Variants in REEP1 observed in about 807,000 individuals in gnomAD.
REEP1 encodes receptor expression-enhancing protein 1.
A neutral mutation model predicts 40.3 loss-of-function variants in REEP1; 22 were observed. The observed-to-expected ratio is 0.55, with a 90% confidence interval of 0.39 to 0.78. The LOEUF (loss-of-function observed/expected upper bound fraction) is 0.78. Among genes scored for constraint, REEP1 ranks in the 30% least tolerant of loss-of-function variants. REEP1 has a pLI of 0.00. For missense variants in REEP1, 280 were observed against 361.1 expected (o/e 0.78, Z 1.82); for synonymous variants, 116 against 139.2 (o/e 0.83, Z 1.17).
intron 3 of REEP1, among the ~76,000 whole-genome samples, chr2:86,257,086 T>TATTA (rs1397846751): frequency 2.0e-5 from 3 of 152,220 alleles, no homozygotes; most frequent in Non-Finnish European, 4.4e-5. Context: ...GATTGTTTAA[T>TATTA]GTTTCACAGC....
chr2:86,253,347 A>C (rs1281624515), intron 4 of REEP1, among the ~76,000 whole-genome samples: 1 of 151,838 alleles, frequency 6.6e-6, no homozygotes, highest in Non-Finnish European at 1.5e-5. Context: ...TAAGACAATG[A>C]CATTTGGCCT....
chr2:86,315,083 C>T (rs1679932064), intron 1 of REEP1, among the ~76,000 whole-genome samples: 1 of 152,064 alleles, frequency 6.6e-6, no homozygotes, highest in Non-Finnish European at 1.5e-5. Flanking sequence ...CCCTGCAGGG[C>T]CCTTGAGACC....
intron 2 of REEP1, among the ~76,000 whole-genome samples, chr2:86,267,319 C>T (rs1677203477): frequency 6.6e-6 from 1 of 152,096 alleles, no homozygotes. Flanking sequence ...AGGTAGTTTC[C>T]TTTGCTGTCT....
chr2:86,302,103 C>T (rs879578018), intron 1 of REEP1, among the ~76,000 whole-genome samples: 2 of 152,218 alleles, frequency 1.3e-5, no homozygotes, highest in African/African-American at 4.8e-5. Flanking sequence ...GCAGCTTGTG[C>T]CCAAAGGTCA....
At chr2:86,307,988 A>G (rs1679580963) in intron 1 of REEP1, among the ~76,000 whole-genome samples, 1 of 152,234 alleles carries the variant, frequency 6.6e-6, no homozygotes, top group Non-Finnish European at 1.5e-5. Flanking sequence ...TAATTGGCTC[A>G]TTTAAAAAAC....
intron 1 of REEP1, among the ~76,000 whole-genome samples, chr2:86,299,315 T>G (rs566103683): frequency 1.2e-4 from 19 of 152,314 alleles, no homozygotes; most frequent in African/African-American, 4.3e-4. Flanking sequence ...GACAATTCTT[T>G]GTTGTGAGGG....
chr2:86,265,421 C>T (rs569259738), intron 2 of REEP1, among the ~76,000 whole-genome samples: 27 of 152,106 alleles, frequency 1.8e-4, no homozygotes, highest in Non-Finnish European at 3.2e-4. Flanking sequence ...CCAAACAAAA[C>T]GTATCTAGCT....
At chr2:86,224,346 A>C (rs1674580871) in intron 7 of REEP1, among the ~76,000 whole-genome samples, 1 of 152,212 alleles carries the variant, frequency 6.6e-6, no homozygotes, top group Non-Finnish European at 1.5e-5. Flanking sequence ...CTTAAGAGTC[A>C]GCCTATAGCC....
At chr2:86,236,776 G>A (rs1218085021) in intron 5 of REEP1, among the ~76,000 whole-genome samples, 4 of 147,672 alleles carry the variant, frequency 2.7e-5, no homozygotes, top group South Asian at 2.1e-4. Context: ...TCACTCTGTC[G>A]CCCAGGCTGG....
At chr2:86,253,936 C>A (rs924735424) in intron 4 of REEP1, among the ~76,000 whole-genome samples, 6 of 152,168 alleles carry the variant, frequency 3.9e-5, no homozygotes, top group Admixed American at 6.5e-5. Context: ...ACTTAATAAT[C>A]CTGCTCTTGG....
intron 2 of REEP1, among the ~76,000 whole-genome samples, chr2:86,271,756 A>G (rs6712161): frequency 0.019 from 2,960 of 152,328 alleles, 89 homozygotes; most frequent in African/African-American, 0.067. Flanking sequence ...GGTTTTGTCC[A>G]GTGGTAAAGT....
chr2:86,257,729 C>T (rs1254591179), intron 3 of REEP1, among the ~76,000 whole-genome samples: 1 of 151,432 alleles, frequency 6.6e-6, no homozygotes, highest in Non-Finnish European at 1.5e-5. Context: ...CCTCCACCTT[C>T]TGGGTTCAAG....
At chr2:86,245,123 G>T (rs781122531) in intron 5 of REEP1, among the ~76,000 whole-genome samples, 8 of 152,062 alleles carry the variant, frequency 5.3e-5, no homozygotes, top group Non-Finnish European at 1.2e-4. Context: ...CTCCAGCCTG[G>T]GCAAGAGTGA....
intron 1 of REEP1, among the ~76,000 whole-genome samples, chr2:86,321,103 A>T (rs1680256101): frequency 6.6e-6 from 1 of 152,242 alleles, no homozygotes; most frequent in South Asian, 2.1e-4. Context: ...TACAGGTGTG[A>T]GACACCGCAC....
At chr2:86,259,680 G>A (rs13022967) in intron 3 of REEP1, among the ~76,000 whole-genome samples, 2 of 151,854 alleles carry the variant, frequency 1.3e-5, no homozygotes, top group Admixed American at 1.3e-4. Flanking sequence ...GAGCCACCAC[G>A]CCCAGCCTGT....
chr2:86,235,971 C>G (rs1313663112), intron 5 of REEP1, among the ~76,000 whole-genome samples: 1 of 152,140 alleles, frequency 6.6e-6, no homozygotes, highest in African/African-American at 2.4e-5. Flanking sequence ...AATCCCAGCA[C>G]TTTGGGAGGC....
chr2:86,296,426 A>G (rs1351524167), intron 1 of REEP1, among the ~76,000 whole-genome samples: 1 of 152,270 alleles, frequency 6.6e-6, no homozygotes, highest in Non-Finnish European at 1.5e-5. Flanking sequence ...AAGCTTAGGT[A>G]CTAAACCATG....
At chr2:86,245,356 A>G (rs1156728829) in intron 5 of REEP1, among the ~76,000 whole-genome samples, 4 of 152,206 alleles carry the variant, frequency 2.6e-5, no homozygotes, top group Non-Finnish European at 5.9e-5. Context: ...TTATCTGTAA[A>G]CACTGTGTTC....
intron 6 of REEP1, among the ~76,000 whole-genome samples, chr2:86,229,422 G>A (rs1191061568): frequency 6.6e-6 from 1 of 152,052 alleles, no homozygotes; most frequent in African/African-American, 2.4e-5. Flanking sequence ...TGGCATCTGA[G>A]GCCCACACTG....
Sources: gnomAD v4.1 joint callset for allele counts (sites outside exome capture counted in the v4.1 genomes callset) on GRCh38, gnomAD v4.1.1 for gene constraint, MANE v1.5 for transcripts, NCBI Gene and HGNC (gene_info 2026-07-23, HGNC 2026-07-21) for gene names.